Variants in TFG observed in about 807,000 individuals in gnomAD.
TFG encodes the protein protein TFG.
In TFG, 22 loss-of-function variants were observed where a neutral mutation model predicts 51.4. The ratio of observed to expected loss-of-function variants is 0.43; its 90% CI spans 0.31 to 0.61. The LOEUF (loss-of-function observed/expected upper bound fraction) is 0.61, where lower values mean the gene tolerates loss of function less well. Among genes scored for constraint, TFG ranks in the 20% least tolerant of loss-of-function variants. TFG has a pLI of 0.12. For missense variants in TFG, 419 were observed against 487.7 expected (o/e 0.86, Z 1.33); for synonymous variants, 187 against 165.6 (o/e 1.13, Z -0.99).
At chr3:100,719,515 G>C (rs72928991) in intron 2 of TFG, among the ~76,000 whole-genome samples, 2,736 of 152,270 alleles carry the variant, frequency 0.018, 78 homozygotes, top group African/African-American at 0.062. Flanking sequence ...AGAATTTACT[G>C]TCTATCCATT....
intron 1 of TFG, among the ~76,000 whole-genome samples, chr3:100,710,668 G>A (rs949144028): frequency 6.6e-6 from 1 of 152,136 alleles, no homozygotes; most frequent in Non-Finnish European, 1.5e-5. Context: ...ATGACCTTGG[G>A]CGTGTCAGAT....
chr3:100,745,708 C>G (rs886626870), intron 7 of TFG, among the ~76,000 whole-genome samples: 4 of 152,178 alleles, frequency 2.6e-5, no homozygotes, highest in Non-Finnish European at 5.9e-5. Context: ...TGAATCTAGT[C>G]TAAATTCTAT....
rs1361371990 is a variant in TFG at position 100,736,735 on chromosome 3, C to T, written c.721+19C>T. 2 of 1,610,614 alleles carry T rather than the reference C, an allele frequency of 1.2e-6. No individual in the cohort carries two copies. Among genetic ancestry groups the T allele is most frequent in the Admixed American group, 1.7e-5 (1 of 59,568 alleles). ...ATTGAAGGTAAAATAGAGTTTAGAA[C>T]ACATGTTTGGGAAAGTACATGTGTA... On this transcript the variant is annotated intron_variant, in intron 6 of 7. Coordinates refer to ENST00000240851, the MANE Select transcript of TFG (RefSeq NM_006070.6).
In TFG at chr3:100,748,382, A is replaced by G; in HGVS notation, c.1054A>G (p.Ser352Gly). The G allele has an allele frequency of 1.9e-6, 3 of 1,614,128 alleles. No individual in the cohort carries two copies. The highest frequency in any genetic ancestry group is 2.5e-6 in the Non-Finnish European group (3 of 1,179,980). Reference protein sequence around the residue: ...APASQPGMAPSQPGAYQPRPG... With the variant: ...APASQPGMAPGQPGAYQPRPG... ...TGCCTCTCAACCTGGAATGGCTCCAAGCCAACCTGGGGCCTATCAACCAAG... is the reference window on the plus strand; with the variant it reads ...TGCCTCTCAACCTGGAATGGCTCCAGGCCAACCTGGGGCCTATCAACCAAG... The change falls in exon 8 of 8, where the codon AGC becomes GGC. Residue 352 changes from serine to glycine, a missense_variant. Ser to Gly is a moderately conservative substitution (Grantham distance 56). Transcript: ENST00000240851.
chr3:100,712,035 A>C (rs775248788), intron 1 of TFG, among the ~76,000 whole-genome samples: 1 of 152,206 alleles, frequency 6.6e-6, no homozygotes, highest in African/African-American at 2.4e-5. Flanking sequence ...TAAGATAAGC[A>C]TGGCATCCCT....
At chr3:100,747,792 G>A (rs976126785) in intron 7 of TFG, among the ~76,000 whole-genome samples, 3 of 152,124 alleles carry the variant, frequency 2.0e-5, no homozygotes, top group Non-Finnish European at 4.4e-5. Context: ...ATTTGATACT[G>A]TTAAGTAGGT....
intron 3 of TFG, among the ~76,000 whole-genome samples, chr3:100,722,310 C>G (rs2095063168): frequency 6.6e-6 from 1 of 151,972 alleles, no homozygotes. Context: ...TTAGTCATAG[C>G]TAAAAAGAGA....
chr3:100,713,041 A>G (rs1002428615), intron 1 of TFG, among the ~76,000 whole-genome samples: 1 of 152,216 alleles, frequency 6.6e-6, no homozygotes, highest in Non-Finnish European at 1.5e-5. Context: ...TTTGAACAGA[A>G]TGATACTAGG....
intron 4 of TFG, among the ~76,000 whole-genome samples, chr3:100,730,949 G>A (rs2095089923): frequency 6.6e-6 from 1 of 152,176 alleles, no homozygotes; most frequent in African/African-American, 2.4e-5. Context: ...TGGTAGGGAA[G>A]ATAGATAACT....
chr3:100,722,163 A>G (rs1345088730), intron 3 of TFG, among the ~76,000 whole-genome samples: 3 of 152,226 alleles, frequency 2.0e-5, no homozygotes, highest in African/African-American at 7.2e-5. Context: ...AAAAAACAAA[A>G]CAAAACGAGA....
chr3:100,744,434 A>C (rs1324642275), intron 6 of TFG: 1 of 154,516 alleles, frequency 6.5e-6, no homozygotes, highest in Non-Finnish European at 1.4e-5. Flanking sequence ...ACAGTGCTTT[A>C]GGAAGGACTT....
intron 3 of TFG, among the ~76,000 whole-genome samples, chr3:100,720,792 C>T (rs898822715): frequency 6.6e-6 from 1 of 152,094 alleles, no homozygotes; most frequent in Non-Finnish European, 1.5e-5. Context: ...TAGATTTTTT[C>T]TTTTAGATCT....
At chr3:100,731,219 T>C (rs1390660988) in intron 4 of TFG, among the ~76,000 whole-genome samples, 1 of 152,198 alleles carries the variant, frequency 6.6e-6, no homozygotes, top group African/African-American at 2.4e-5. Flanking sequence ...CTTAATTGAG[T>C]AAATGGTTAG....
At chr3:100,723,252 A>G (rs2095065642) in intron 3 of TFG, among the ~76,000 whole-genome samples, 1 of 152,192 alleles carries the variant, frequency 6.6e-6, no homozygotes, top group South Asian at 2.1e-4. Flanking sequence ...ATTGCATACT[A>G]CATATGCAGA....
chr3:100,739,959 A>G (rs1168910829), intron 6 of TFG, among the ~76,000 whole-genome samples: 2 of 152,116 alleles, frequency 1.3e-5, no homozygotes, highest in Admixed American at 6.6e-5. Flanking sequence ...GTGATTCTTA[A>G]TGTCAACGTG....
At chr3:100,722,607 C>T (rs2095063914) in intron 3 of TFG, among the ~76,000 whole-genome samples, 1 of 152,096 alleles carries the variant, frequency 6.6e-6, no homozygotes. Context: ...TGTCTTAAGA[C>T]AGAGAGATTA....
intron 2 of TFG, among the ~76,000 whole-genome samples, chr3:100,714,836 T>G (rs1310321162): frequency 1.3e-5 from 2 of 152,248 alleles, no homozygotes; most frequent in Non-Finnish European, 2.9e-5. Context: ...ACTCATTTGT[T>G]GACAAAATTA....
rs143216354 is a variant in TFG, at chr3:100,745,031, T to C, written c.820+100T>C. On this transcript the variant is annotated intron_variant, in intron 7 of 7. Coordinates refer to ENST00000240851, the MANE Select transcript of TFG (RefSeq NM_006070.6). ...CTTGATTTGTAGTACATTGATATAATAGGTATTAAGTTTTTATTAGGGGAA... is the reference window on the plus strand; with the variant it reads ...CTTGATTTGTAGTACATTGATATAACAGGTATTAAGTTTTTATTAGGGGAA... The C allele has an allele frequency of 4.2e-3, 2,348 of 557,042 alleles. 14 individuals carry two copies. The highest frequency in any genetic ancestry group is 5.0e-3 in the Non-Finnish European group (1,618 of 323,796). 34.5% of individuals were successfully genotyped at this position (557,042 alleles called of 1,614,324 possible).
intron 2 of TFG, among the ~76,000 whole-genome samples, chr3:100,718,914 G>A (rs1216899300): frequency 6.6e-6 from 1 of 151,990 alleles, no homozygotes; most frequent in Non-Finnish European, 1.5e-5. Flanking sequence ...TAGAGTGGAG[G>A]GATGGCTTAG....
Sources: gnomAD v4.1 joint callset for allele counts (sites outside exome capture counted in the v4.1 genomes callset) on GRCh38, gnomAD v4.1.1 for gene constraint, MANE v1.5 for transcripts, NCBI Gene and HGNC (gene_info 2026-07-23, HGNC 2026-07-21) for gene names.